The following ADGRB3 variants were observed in gnomAD, a reference collection of about 807,000 sequenced individuals.
ADGRB3 encodes adhesion G protein-coupled receptor B3.
In ADGRB3, 37 loss-of-function variants were observed where a neutral mutation model predicts 193.4. That is an observed-to-expected ratio of 0.19 (90% CI 0.15 to 0.25). The LOEUF is 0.25. Ranked by LOEUF, ADGRB3 falls within the 10% of genes least tolerant of loss-of-function variation. ADGRB3 has a pLI of 1.00. For synonymous variants in ADGRB3, 690 were observed against 644.2 expected (o/e 1.07, Z -1.08); for missense variants, 1,637 against 1,852.9 (o/e 0.88, Z 2.14).
rs1770137176 is a variant in ADGRB3 at position 69,389,004 on chromosome 6, A to C, written c.*113A>C. On this transcript the variant is annotated 3_prime_UTR_variant, in exon 32 of 32. Transcript: ENST00000370598. ...GTGACTATCTTATGTCAGGACCTTC[A>C]TGTGCCAAACGTCAGTGGTGTTTTC... 1 of 1,095,644 alleles carries C rather than the reference A, an allele frequency of 9.1e-7. No homozygotes were observed. The highest frequency in any genetic ancestry group is 2.8e-5 in the Admixed American group (1 of 35,622). The allele number at this position is 1,095,644 out of a possible 1,614,324, so 67.9% of individuals were successfully genotyped here.
rs537292297 is a variant in ADGRB3 at position 69,136,224 on chromosome 6, T to C, written c.2480+60186T>C. ...GCAAACTATAGTAGCCATAAAAAAA[T>C]TTAGAACTTAAGAAATGTCATCCTA... On this transcript the variant is annotated intron_variant, in intron 17 of 31. Transcript: ENST00000370598. Among the ~76,000 whole-genome samples the C allele has an allele frequency of 4.6e-5, 7 of 152,124 alleles. No homozygotes were observed. The East Asian group carries it at 1.4e-3, about 29-fold the overall frequency.
chr6:69,320,076 G>A (rs1405686607), intron 20 of ADGRB3, among the ~76,000 whole-genome samples: 1 of 150,284 alleles, frequency 6.7e-6, no homozygotes, highest in Non-Finnish European at 1.5e-5. Context: ...ATTATTTTTT[G>A]TGGTTACTGA....
chr6:68,970,567 A>G (rs913291068), intron 8 of ADGRB3, among the ~76,000 whole-genome samples: 3 of 152,052 alleles, frequency 2.0e-5, no homozygotes, highest in Admixed American at 2.0e-4. Flanking sequence ...TGGCCTCCCA[A>G]AGTGCTGGGA....
At chr6:68,867,766 A>G (rs1765339542) in intron 3 of ADGRB3, among the ~76,000 whole-genome samples, 1 of 152,168 alleles carries the variant, frequency 6.6e-6, no homozygotes, top group African/African-American at 2.4e-5. Flanking sequence ...ATGACGTCAA[A>G]GGAGATTATT....
chr6:68,857,524 G>A (rs1047706051), intron 3 of ADGRB3, among the ~76,000 whole-genome samples: 1 of 152,198 alleles, frequency 6.6e-6, no homozygotes, highest in Non-Finnish European at 1.5e-5. Context: ...CATGGGCCCT[G>A]TAATCCCTTT....
In ADGRB3 at chr6:69,255,326, A is replaced by G. The variant is rs560734718; in HGVS notation, c.2814+16100A>G. On this transcript the variant is annotated intron_variant, in intron 20 of 31. Coordinates refer to ENST00000370598, the MANE Select transcript of ADGRB3 (RefSeq NM_001704.3). ...TGAACTAGTTTACAGTCCCACCAACAGTGTAAAAGTGTTCCTATTTCTCCA... is the reference window on the plus strand; with the variant it reads ...TGAACTAGTTTACAGTCCCACCAACGGTGTAAAAGTGTTCCTATTTCTCCA... Among the ~76,000 whole-genome samples the G allele has an allele frequency of 2.7e-3, 412 of 152,250 alleles. 4 individuals carry two copies. Among genetic ancestry groups the G allele is most frequent in the African/African-American group, 9.6e-3 (399 of 41,538 alleles).
intron 3 of ADGRB3, among the ~76,000 whole-genome samples, chr6:68,723,029 G>A (rs1225832240): frequency 6.6e-6 from 1 of 151,640 alleles, no homozygotes; most frequent in Non-Finnish European, 1.5e-5. Context: ...CTTGCCTGTT[G>A]GACATGGCTA....
At chr6:69,189,265 C>G (rs1048391124) in intron 17 of ADGRB3, among the ~76,000 whole-genome samples, 20 of 152,272 alleles carry the variant, frequency 1.3e-4, no homozygotes, top group African/African-American at 4.8e-4. Flanking sequence ...AGTATTTTTT[C>G]CAGTATTTCT....
chr6:69,083,449 G>A (rs1772450493), intron 17 of ADGRB3, among the ~76,000 whole-genome samples: 1 of 152,022 alleles, frequency 6.6e-6, no homozygotes, highest in African/African-American at 2.4e-5. Context: ...AAGGTGTCTG[G>A]CACATATATC....
intron 3 of ADGRB3, among the ~76,000 whole-genome samples, chr6:68,772,885 A>ACAAC (rs757288740): frequency 4.4e-4 from 19 of 42,888 alleles, no homozygotes; most frequent in Middle Eastern, 8.6e-3. Flanking sequence ...AAACAAACAA[A>ACAAC]AAAAAAAAAA....
chr6:69,210,066 G>A (rs1765623810), intron 17 of ADGRB3, among the ~76,000 whole-genome samples: 1 of 146,026 alleles, frequency 6.8e-6, no homozygotes, highest in Admixed American at 6.9e-5. Context: ...TATTAATCAG[G>A]GTTCTCTAGA....
intron 4 of ADGRB3, among the ~76,000 whole-genome samples, chr6:68,934,822 A>G (rs1767439959): frequency 6.6e-6 from 1 of 152,204 alleles, no homozygotes; most frequent in Admixed American, 6.5e-5. Flanking sequence ...ATTATGAAGC[A>G]TGGCTTTAAC....
chr6:68,911,363 C>T (rs558369240), intron 3 of ADGRB3, among the ~76,000 whole-genome samples: 19 of 151,836 alleles, frequency 1.3e-4, no homozygotes, highest in Non-Finnish European at 1.3e-4. Flanking sequence ...CACATGTATA[C>T]GTATGTAACA....
chr6:69,268,238 A>G (rs973588487), intron 20 of ADGRB3, among the ~76,000 whole-genome samples: 5 of 152,150 alleles, frequency 3.3e-5, no homozygotes, highest in Non-Finnish European at 7.4e-5. Flanking sequence ...ATAATATTTT[A>G]TGTTTTCGTA....
intron 3 of ADGRB3, among the ~76,000 whole-genome samples, chr6:68,711,228 G>A (rs986905020): frequency 3.3e-5 from 5 of 152,048 alleles, no homozygotes; most frequent in Admixed American, 6.6e-5. Flanking sequence ...TGACCTGCTT[G>A]ATTTTTCTCT....
chr6:68,782,393 T>A (rs1766872907), intron 3 of ADGRB3, among the ~76,000 whole-genome samples: 1 of 151,974 alleles, frequency 6.6e-6, no homozygotes, highest in South Asian at 2.1e-4. Context: ...TTGAGTTGGT[T>A]CCAAGTCTTT....
intron 31 of ADGRB3, among the ~76,000 whole-genome samples, chr6:69,387,599 T>C (rs766482768): frequency 6.6e-6 from 1 of 152,038 alleles, no homozygotes; most frequent in African/African-American, 2.4e-5. Flanking sequence ...TGGGTTTTTT[T>C]ATGTTGCCCA....
intron 17 of ADGRB3, among the ~76,000 whole-genome samples, chr6:69,222,791 T>A (rs1046449271): frequency 1.1e-4 from 16 of 152,300 alleles, no homozygotes; most frequent in Admixed American, 3.3e-4. Context: ...ACGAGCTTTT[T>A]CACTTTGAAC....
chr6:69,224,841 C>G (rs559694029), intron 17 of ADGRB3, among the ~76,000 whole-genome samples: 1 of 152,086 alleles, frequency 6.6e-6, no homozygotes, highest in African/African-American at 2.4e-5. Flanking sequence ...CTTAAAATTA[C>G]ATAAATTAAA....
Sources: gnomAD v4.1 joint callset for allele counts (sites outside exome capture counted in the v4.1 genomes callset) on GRCh38, gnomAD v4.1.1 for gene constraint, MANE v1.5 for transcripts, NCBI Gene and HGNC (gene_info 2026-07-23, HGNC 2026-07-21) for gene names.